Variants in NTNG2 observed in about 807,000 individuals in gnomAD.
NTNG2 encodes netrin-G2.
Under a neutral mutation model 47.6 loss-of-function variants are expected in NTNG2, and 15 were observed. The ratio of observed to expected loss-of-function variants is 0.32; its 90% CI spans 0.21 to 0.49. The LOEUF is 0.49. NTNG2 is among the 20% of genes least tolerant of loss of function. The pLI, the probability that NTNG2 is intolerant of heterozygous loss-of-function variation, is 0.99. For missense variants in NTNG2, 578 were observed against 764.6 expected (o/e 0.76, Z 2.88); for synonymous variants, 307 against 324.6 (o/e 0.95, Z 0.58).
intron 3 of NTNG2, among the ~76,000 whole-genome samples, chr9:132,206,699 A>G (rs1195494155): frequency 6.6e-6 from 1 of 151,972 alleles, no homozygotes; most frequent in Non-Finnish European, 1.5e-5. Flanking sequence ...AATAAACCCA[A>G]CTCTTTGGGG....
chr9:132,181,430 C>T (rs565630197), intron 2 of NTNG2, among the ~76,000 whole-genome samples: 2 of 152,036 alleles, frequency 1.3e-5, no homozygotes, highest in South Asian at 2.1e-4. Flanking sequence ...AAGCAATCCT[C>T]CTTCCTCAGC....
At position 132,236,050 on chromosome 9, in the gene NTNG2, C is replaced by T. The variant is rs545293242; in HGVS notation, c.1055-3054C>T. Among the ~76,000 whole-genome samples, 3 of 152,318 alleles carry T rather than the reference C, an allele frequency of 2.0e-5. No homozygotes were observed. Among genetic ancestry groups the T allele is most frequent in the South Asian group, 2.1e-4 (1 of 4,828 alleles). ...GGGCTTCGGAGTCTGGTAGAGGCCC[C>T]GCCTCCCACGACAGGAACCCCCCTC... On this transcript the variant is annotated intron_variant, in intron 5 of 7. Transcript: ENST00000393229. The surrounding 1 kb of genome is among the most constrained non-coding windows in gnomAD (Gnocchi z 4.3).
At chr9:132,196,843 A>G (rs1838349656) in intron 2 of NTNG2, among the ~76,000 whole-genome samples, 1 of 152,210 alleles carries the variant, frequency 6.6e-6, no homozygotes, top group African/African-American at 2.4e-5. Context: ...CGCAATTGCA[A>G]GTTCCTGCCT....
chr9:132,183,181 C>T (rs1248990031), intron 2 of NTNG2, among the ~76,000 whole-genome samples: 1 of 152,160 alleles, frequency 6.6e-6, no homozygotes, highest in African/African-American at 2.4e-5. Context: ...CGAGGGGTGC[C>T]AGCTCTCCAG....
Position 132,197,053 on chromosome 9 carries a change from T to A in NTNG2, c.214-913T>A, listed in dbSNP as rs1163638373. On this transcript the variant is annotated intron_variant, in intron 2 of 7. Transcript: ENST00000393229. This position sits in a 1 kb window ranked among gnomAD's most constrained non-coding sequence, Gnocchi z 4.3. ...AGAGACCCAGAGCTTCCAGGCCCTCTTTGAGCACCTCAATGTGTTCACCAA... is the reference window on the plus strand; with the variant it reads ...AGAGACCCAGAGCTTCCAGGCCCTCATTGAGCACCTCAATGTGTTCACCAA... Among the ~76,000 whole-genome samples, 3 of 152,168 alleles carry A rather than the reference T, an allele frequency of 2.0e-5. No homozygotes were observed. The East Asian group carries it at 5.8e-4, about 29-fold the overall frequency.
intron 2 of NTNG2, among the ~76,000 whole-genome samples, chr9:132,187,920 G>C (rs1837529761): frequency 6.6e-6 from 1 of 152,232 alleles, no homozygotes; most frequent in Admixed American, 6.5e-5. Context: ...CTCCTGCCCG[G>C]TCATTTTGTG....
chr9:132,183,177 GT>G (rs949293893), intron 2 of NTNG2, among the ~76,000 whole-genome samples: 4 of 152,164 alleles, frequency 2.6e-5, no homozygotes, highest in Admixed American at 2.6e-4. Flanking sequence ...GTGCCGAGGG[GT>G]GCCAGCTCTC....
chr9:132,230,402 C>A (rs536521966), intron 4 of NTNG2, among the ~76,000 whole-genome samples, 170 bp from the exon 5 acceptor site: 3 of 152,326 alleles, frequency 2.0e-5, no homozygotes, highest in South Asian at 4.1e-4. Context: ...CACCCCCGTC[C>A]CCACACCCTG....
intron 3 of NTNG2, among the ~76,000 whole-genome samples, chr9:132,220,873 A>G (rs1457684100): frequency 1.3e-5 from 2 of 152,122 alleles, no homozygotes; most frequent in African/African-American, 4.8e-5. Flanking sequence ...TTATTTATTT[A>G]TTTGTTTACC....
intron 3 of NTNG2, among the ~76,000 whole-genome samples, chr9:132,213,591 C>G (rs980421534): frequency 6.6e-6 from 1 of 152,336 alleles, no homozygotes; most frequent in Admixed American, 6.5e-5. Context: ...CTCCTTCATC[C>G]TGCAGAACAC....
At chr9:132,233,052 G>A (rs969174677) in intron 5 of NTNG2, 1 of 152,264 alleles carries the variant, frequency 6.6e-6, no homozygotes, top group Admixed American at 6.5e-5. Context: ...GAGGATTTCC[G>A]GGAAGCCTCC....
intron 6 of NTNG2, among the ~76,000 whole-genome samples, chr9:132,240,456 C>CG (rs1001227182): frequency 3.9e-5 from 6 of 152,244 alleles, no homozygotes; most frequent in African/African-American, 7.2e-5. Flanking sequence ...GGGCCCACCC[C>CG]GGGAGCAGGA....
In NTNG2 at chr9:132,226,360, G is replaced by A. The variant is rs573119547; in HGVS notation, c.858-489G>A. On this transcript the variant is annotated intron_variant, in intron 3 of 7. Coordinates refer to ENST00000393229, the MANE Select transcript of NTNG2 (RefSeq NM_032536.4). The surrounding 1 kb of genome is among the most constrained non-coding windows in gnomAD (Gnocchi z 4.8). Reference sequence around the variant, plus strand: ...ATCTGTTGCCCTCAAGGGCGTGGCTGTGGGCCACAACCTGACAGCAGAGGT... The same window carrying A: ...ATCTGTTGCCCTCAAGGGCGTGGCTATGGGCCACAACCTGACAGCAGAGGT... Among the ~76,000 whole-genome samples, 1 of 152,350 alleles carries A rather than the reference G, an allele frequency of 6.6e-6. No individual in the cohort carries two copies. The highest frequency in any genetic ancestry group is 1.9e-4 in the East Asian group (1 of 5,180).
At chr9:132,228,789 C>T (rs886458419) in intron 4 of NTNG2, among the ~76,000 whole-genome samples, 12 of 152,154 alleles carry the variant, frequency 7.9e-5, no homozygotes, top group African/African-American at 2.7e-4. Flanking sequence ...AGCTCCTGAG[C>T]TCTAGTAACC....
intron 5 of NTNG2, among the ~76,000 whole-genome samples, chr9:132,234,445 C>T (rs1245919397): frequency 6.6e-6 from 1 of 152,236 alleles, no homozygotes; most frequent in African/African-American, 2.4e-5. Flanking sequence ...GCTTCCCACA[C>T]ACCTGAGTGT....
chr9:132,184,625 T>C (rs1430121139), intron 2 of NTNG2, among the ~76,000 whole-genome samples: 1 of 152,092 alleles, frequency 6.6e-6, no homozygotes, highest in Non-Finnish European at 1.5e-5. Flanking sequence ...GACTGGCCAG[T>C]AGAAAACGAG....
chr9:132,178,825 G>A (rs548063659), intron 2 of NTNG2, among the ~76,000 whole-genome samples: 100 of 151,096 alleles, frequency 6.6e-4, no homozygotes, highest in Non-Finnish European at 1.1e-3. Flanking sequence ...GTGTGGTGGT[G>A]CACACCTGTA....
At position 132,202,031 on chromosome 9, in the gene NTNG2, A is replaced by T. The variant is rs1435495758; in HGVS notation, c.857+3422A>T. ...GCATGTCCAGGCTCAAGACAGACTC[A>T]GCCACCGAGCTGTCCCTAGCCCTGG... On this transcript the variant is annotated intron_variant, in intron 3 of 7. Transcript: ENST00000393229. Among the ~76,000 whole-genome samples, 9 of 152,362 alleles carry T rather than the reference A, an allele frequency of 5.9e-5. No homozygotes were observed. The South Asian group carries it at 1.9e-3, about 32-fold the overall frequency.
intron 3 of NTNG2, among the ~76,000 whole-genome samples, chr9:132,213,360 A>G (rs939323297): frequency 2.0e-5 from 3 of 147,678 alleles, no homozygotes; most frequent in African/African-American, 7.7e-5. Context: ...AAAAAAAAAA[A>G]AGAAGGACTT....
Sources: gnomAD v4.1 joint callset for allele counts (sites outside exome capture counted in the v4.1 genomes callset) on GRCh38, gnomAD v4.1.1 for gene constraint, Gnocchi (gnomAD v3.1) non-coding constraint, MANE v1.5 for transcripts, NCBI Gene and HGNC (gene_info 2026-07-23, HGNC 2026-07-21) for gene names.